IGSF21: variants seen among roughly 807,000 people sequenced by gnomAD.
IGSF21 encodes immunoglobin superfamily member 21.
A neutral mutation model predicts 46.8 loss-of-function variants in IGSF21; 28 were observed. That is an observed-to-expected ratio of 0.60 (90% CI 0.44 to 0.82). The LOEUF is 0.82. IGSF21 is among the 40% of genes least tolerant of loss of function. The pLI is 0.00. For missense variants in IGSF21, 624 were observed against 665.5 expected, an observed-to-expected ratio of 0.94 and a Z score of 0.69; for synonymous variants, 284 against 273.6, an observed-to-expected ratio of 1.04 and a Z score of -0.38.
intron 2 of IGSF21, among the ~76,000 whole-genome samples, chr1:18,256,222 C>G (rs1410839569): frequency 6.6e-6 from 1 of 152,208 alleles, no homozygotes; most frequent in East Asian, 1.9e-4. Context: ...TCCTACCCCC[C>G]TTTAGGCTGG....
intron 1 of IGSF21, among the ~76,000 whole-genome samples, chr1:18,205,020 G>A (rs76863270): frequency 0.011 from 1,682 of 152,206 alleles, 23 homozygotes; most frequent in African/African-American, 0.038. Context: ...GTTTTAGATC[G>A]TTATCATGTA....
chr1:18,265,729 T>C (rs1408320517), intron 2 of IGSF21, among the ~76,000 whole-genome samples: 1 of 152,186 alleles, frequency 6.6e-6, no homozygotes, highest in East Asian at 1.9e-4. Context: ...CTGGCTGAAT[T>C]CTCTGCTCTT....
At chr1:18,362,556 T>A (rs2086112940) in intron 5 of IGSF21, among the ~76,000 whole-genome samples, 1 of 151,990 alleles carries the variant, frequency 6.6e-6, no homozygotes, top group African/African-American at 2.4e-5. Context: ...CGGAGACAAA[T>A]GAAAGGGGGC....
intron 2 of IGSF21, among the ~76,000 whole-genome samples, chr1:18,238,435 G>A (rs1166452907): frequency 6.6e-6 from 1 of 152,216 alleles, no homozygotes; most frequent in Non-Finnish European, 1.5e-5. Flanking sequence ...GAGGAGATAA[G>A]AAGCAGGGTG....
At chr1:18,158,893 A>C (rs2086590802) in intron 1 of IGSF21, among the ~76,000 whole-genome samples, 1 of 152,204 alleles carries the variant, frequency 6.6e-6, no homozygotes, top group Non-Finnish European at 1.5e-5. Flanking sequence ...GGAGGAGAAA[A>C]GAATGTAGGG....
intron 3 of IGSF21, among the ~76,000 whole-genome samples, chr1:18,325,326 A>G (rs223166): frequency 0.94 from 143,373 of 152,170 alleles, 67,629 homozygotes; most frequent in African/African-American, 0.99. Flanking sequence ...CTGGTATTTG[A>G]GGTTTGGTGA....
chr1:18,212,707 C>T (rs541815114), intron 1 of IGSF21, among the ~76,000 whole-genome samples: 1 of 152,286 alleles, frequency 6.6e-6, no homozygotes, highest in Non-Finnish European at 1.5e-5. Context: ...CTCAACATGC[C>T]CCTGGCCCTG....
At chr1:18,112,890 G>A (rs1267180710) in intron 1 of IGSF21, 2 of 152,336 alleles carry the variant, frequency 1.3e-5, no homozygotes, top group Non-Finnish European at 1.5e-5. Flanking sequence ...CCAGGGCAGC[G>A]AGAGACTGGG....
chr1:18,287,520 T>C (rs1481071869), intron 2 of IGSF21, among the ~76,000 whole-genome samples: 2 of 152,158 alleles, frequency 1.3e-5, no homozygotes, highest in South Asian at 4.1e-4. Context: ...GAATATGGAG[T>C]GAATGAAATC....
Position 18,254,852 on chromosome 1 carries a change from A to G in IGSF21, c.183+26842A>G, listed in dbSNP as rs550677365. ...TGTTTGCCCATTCTTCTATCCATCCATCCATTCATCCATCCATCCATCCAT... is the reference window on the plus strand; with the variant it reads ...TGTTTGCCCATTCTTCTATCCATCCGTCCATTCATCCATCCATCCATCCAT... On this transcript the variant is annotated intron_variant, in intron 2 of 9. Coordinates refer to ENST00000251296, the MANE Select transcript of IGSF21 (RefSeq NM_032880.5). Among the ~76,000 whole-genome samples, 638 of 114,976 alleles carry G rather than the reference A, an allele frequency of 5.5e-3. 4 individuals carry two copies. Among genetic ancestry groups the G allele is most frequent in the Non-Finnish European group, 8.2e-3 (476 of 58,352 alleles). The allele number at this position is 114,976 out of a possible 152,430, so 75.4% of individuals were successfully genotyped here. A position where few individuals can be genotyped will look rare whatever the true frequency, so the allele number is the denominator to read the frequency against.
chr1:18,213,513 G>A (rs962406256), intron 1 of IGSF21, among the ~76,000 whole-genome samples: 3 of 152,154 alleles, frequency 2.0e-5, no homozygotes, highest in African/African-American at 7.2e-5. Flanking sequence ...GGGTGTGCAG[G>A]CAGCATGGGA....
intron 1 of IGSF21, among the ~76,000 whole-genome samples, chr1:18,215,894 C>T (rs571029195): frequency 2.3e-4 from 35 of 152,278 alleles, no homozygotes; most frequent in African/African-American, 8.4e-4. Context: ...CCGTAAGGTA[C>T]AGTGTTCATG....
At chr1:18,215,008 A>G (rs55657414) in intron 1 of IGSF21, among the ~76,000 whole-genome samples, 21,455 of 152,154 alleles carry the variant, frequency 0.14, 1,906 homozygotes, top group South Asian at 0.19. Context: ...CCAAAGTGCC[A>G]AGATTACAGG....
chr1:18,227,677 AAGG>A (rs2084582402), intron 1 of IGSF21, among the ~76,000 whole-genome samples: 1 of 151,796 alleles, frequency 6.6e-6, no homozygotes, highest in Admixed American at 6.6e-5. Context: ...GGCAGCCAAA[AAGG>A]AGATGTTGAA....
intron 6 of IGSF21, among the ~76,000 whole-genome samples, chr1:18,374,729 C>T (rs1482550113): frequency 9.9e-5 from 15 of 152,178 alleles, no homozygotes; most frequent in African/African-American, 3.4e-4. Context: ...TGGGAGGCCA[C>T]CCACATCTGC....
intron 1 of IGSF21, chr1:18,111,324 A>G (rs1869807): frequency 0.5 from 75,489 of 151,942 alleles, 19,057 homozygotes; most frequent in East Asian, 0.71. Context: ...TGCAAATGGG[A>G]GTTTTTCATT....
chr1:18,365,078 G>A lies in IGSF21; in HGVS notation c.541-145G>A. On this transcript the variant is annotated intron_variant, in intron 5 of 9. Transcript: ENST00000251296. This position sits in a 1 kb window ranked among gnomAD's most constrained non-coding sequence, Gnocchi z 4.8. ...GCTCATAGTTCTTGGGGGTGTTGAA[G>A]GGAAAAGAGTGGGGTGAGGGCTACT... 1 of 646,380 alleles carries A rather than the reference G, an allele frequency of 1.5e-6. No homozygotes were observed. The highest frequency in any genetic ancestry group is 2.9e-4 in the Middle Eastern group (1 of 3,454). The allele number at this position is 646,380 out of a possible 1,614,324, so 40.0% of individuals were successfully genotyped here.
intron 4 of IGSF21, among the ~76,000 whole-genome samples, chr1:18,342,349 C>A (rs1356078177): frequency 6.6e-6 from 1 of 152,184 alleles, no homozygotes; most frequent in African/African-American, 2.4e-5. Context: ...CCGCCTCGGC[C>A]CCCCAAAGTG....
At chr1:18,273,680 T>G (rs919972330) in intron 2 of IGSF21, among the ~76,000 whole-genome samples, 2 of 90,434 alleles carry the variant, frequency 2.2e-5, no homozygotes, top group Non-Finnish European at 4.8e-5. Context: ...AGGTAAAGAT[T>G]TTTTTTTTTA....
Sources: gnomAD v4.1 joint callset for allele counts (sites outside exome capture counted in the v4.1 genomes callset) on GRCh38, gnomAD v4.1.1 for gene constraint, Gnocchi (gnomAD v3.1) non-coding constraint, MANE v1.5 for transcripts, NCBI Gene and HGNC (gene_info 2026-07-23, HGNC 2026-07-21) for gene names.